EHBP1: variants seen among roughly 807,000 people sequenced by gnomAD.
EHBP1 encodes the protein EH domain binding protein 1, also known as EH domain-binding protein 1.
A neutral mutation model predicts 144.0 loss-of-function variants in EHBP1; 55 were observed. The observed-to-expected ratio is 0.38, with a 90% CI of 0.31 to 0.48. EHBP1 has a LOEUF of 0.48. EHBP1 is among the 20% of genes least tolerant of loss of function. EHBP1 has a pLI of 0.98. For missense variants in EHBP1, 1,200 were observed against 1,364.2 expected (o/e 0.88, Z 1.90); for synonymous variants, 469 against 472.7 (o/e 0.99, Z 0.10).
intron 5 of EHBP1, among the ~76,000 whole-genome samples, chr2:62,796,001 TG>T (rs1289261247): frequency 6.6e-6 from 1 of 151,790 alleles, no homozygotes; most frequent in African/African-American, 2.4e-5. Context: ...TCTGCCCTTC[TG>T]CCCCTTCTGC....
intron 2 of EHBP1, among the ~76,000 whole-genome samples, chr2:62,722,398 C>G (rs902306051): frequency 3.9e-5 from 6 of 151,938 alleles, no homozygotes; most frequent in Middle Eastern, 3.4e-3. Flanking sequence ...GGTGGGATTA[C>G]AGGCATGAGC....
At chr2:62,847,997 T>C (rs1382572059) in intron 7 of EHBP1, among the ~76,000 whole-genome samples, 2 of 151,864 alleles carry the variant, frequency 1.3e-5, no homozygotes, top group Admixed American at 1.3e-4. Flanking sequence ...CACTACTAAA[T>C]GTTGGCAAGG....
intron 5 of EHBP1, among the ~76,000 whole-genome samples, chr2:62,801,361 C>G (rs1162627644): frequency 1.3e-5 from 2 of 152,216 alleles, no homozygotes; most frequent in Non-Finnish European, 2.9e-5. Context: ...TGAAGTTTAA[C>G]TAACTGATAC....
intron 2 of EHBP1, among the ~76,000 whole-genome samples, chr2:62,713,233 A>G (rs2035329163): frequency 6.6e-6 from 1 of 150,576 alleles, no homozygotes; most frequent in Non-Finnish European, 1.5e-5. Context: ...CATTTAAGAC[A>G]GGGAGTCAGG....
chr2:62,964,048 A>G (rs1170480053), intron 14 of EHBP1, among the ~76,000 whole-genome samples: 2 of 152,236 alleles, frequency 1.3e-5, no homozygotes, highest in African/African-American at 2.4e-5. Context: ...ATTATTTTAA[A>G]TAATAGTTTA....
chr2:62,738,310 T>G (rs2038352876), intron 2 of EHBP1, among the ~76,000 whole-genome samples: 1 of 152,186 alleles, frequency 6.6e-6, no homozygotes, highest in South Asian at 2.1e-4. Context: ...TGTGACTTAG[T>G]AAACATAGTT....
rs1274906399 is a variant in EHBP1, at chr2:62,788,380, A to ATTTGGTTCTTTTCAC, written c.312+16988_312+16989insTTTGGTTCTTTTCAC. Among the ~76,000 whole-genome samples the ATTTGGTTCTTTTCAC allele has an allele frequency of 8.1e-4, 124 of 152,156 alleles. 1 individual carries two copies. The highest frequency in any genetic ancestry group is 7.9e-3 in the Admixed American group (120 of 15,280). ...AAACCAAATTCTTCCAATTAAAAGA[A>ATTTGGTTCTTTTCAC]CTAAACTTTGATAGTATAGGTGGAG... On this transcript the variant is annotated intron_variant, in intron 5 of 22. Coordinates refer to ENST00000431489, the MANE Select transcript of EHBP1 (RefSeq NM_001142616.3).
intron 3 of EHBP1, among the ~76,000 whole-genome samples, chr2:62,756,348 G>T (rs191900288): frequency 1.3e-5 from 2 of 152,128 alleles, no homozygotes; most frequent in Non-Finnish European, 2.9e-5. Context: ...TGAATTTTCC[G>T]TTTGTAATGC....
intron 19 of EHBP1, among the ~76,000 whole-genome samples, chr2:63,007,202 C>T (rs2060076656): frequency 6.6e-6 from 1 of 151,786 alleles, no homozygotes; most frequent in Admixed American, 6.6e-5. Context: ...AATCTTTCAG[C>T]AGTAAGGGAA....
intron 5 of EHBP1, among the ~76,000 whole-genome samples, chr2:62,776,553 A>G (rs2042065464): frequency 6.6e-6 from 1 of 152,164 alleles, no homozygotes. Flanking sequence ...CCTTTCTACC[A>G]CTTACACCTC....
intron 5 of EHBP1, among the ~76,000 whole-genome samples, chr2:62,801,311 C>T (rs2043968226): frequency 6.6e-6 from 1 of 152,216 alleles, no homozygotes; most frequent in African/African-American, 2.4e-5. Context: ...GCTCCCTTGA[C>T]ATGGCTCCTC....
intron 19 of EHBP1, among the ~76,000 whole-genome samples, chr2:63,004,273 G>A (rs528185599): frequency 3.3e-5 from 5 of 152,098 alleles, no homozygotes; most frequent in Admixed American, 3.3e-4. Context: ...CAATCACAAA[G>A]CAAAATGGCT....
intron 19 of EHBP1, among the ~76,000 whole-genome samples, chr2:63,016,164 A>G (rs2153269299): frequency 6.6e-6 from 1 of 152,366 alleles, no homozygotes. Context: ...CACAATTTTC[A>G]GAGGCAATAA....
At chr2:62,783,803 C>G (rs2042622336) in intron 5 of EHBP1, among the ~76,000 whole-genome samples, 1 of 152,222 alleles carries the variant, frequency 6.6e-6, no homozygotes, top group African/African-American at 2.4e-5. Context: ...GACATTTTCC[C>G]CATTGTCTTG....
At chr2:62,873,441 G>A (rs2050641593) in intron 9 of EHBP1, among the ~76,000 whole-genome samples, 1 of 151,938 alleles carries the variant, frequency 6.6e-6, no homozygotes, top group Non-Finnish European at 1.5e-5. Flanking sequence ...TATAGCACAA[G>A]AAGAATAAAG....
At chr2:62,911,214 C>G (rs2054189676) in intron 10 of EHBP1, among the ~76,000 whole-genome samples, 1 of 152,166 alleles carries the variant, frequency 6.6e-6, no homozygotes, top group African/African-American at 2.4e-5. Context: ...TAACCTCTCT[C>G]TCCCTCAGTG....
At chr2:62,895,080 A>C (rs12999893) in intron 10 of EHBP1, among the ~76,000 whole-genome samples, 5 of 152,218 alleles carry the variant, frequency 3.3e-5, no homozygotes. Flanking sequence ...CATTCTACTT[A>C]CATGGCATTC....
intron 7 of EHBP1, among the ~76,000 whole-genome samples, chr2:62,853,187 C>T (rs758302100): frequency 8.5e-5 from 13 of 152,108 alleles, no homozygotes; most frequent in Non-Finnish European, 1.8e-4. Context: ...TTCCAGACCA[C>T]CACAATAAAA....
Position 62,707,278 on chromosome 2 carries a change from T to C in EHBP1, c.87T>C (p.Val29=). 2.5e-6 allele frequency: 4 copies of C among 1,613,868 alleles called. No homozygotes were observed. Among genetic ancestry groups the C allele is most frequent in the Non-Finnish European group, 2.5e-6 (3 of 1,179,714 alleles). ...TGGCCTCCTACCAGGAGCTCATGGTTGAGTGTACGAAGAAATGGTAAGATG... is the reference window on the plus strand; with the variant it reads ...TGGCCTCCTACCAGGAGCTCATGGTCGAGTGTACGAAGAAATGGTAAGATG... The part of the protein sequence containing the change: ...QFVASYQELM[V]ECTKKWQPDK... Residue 29 remains valine, a synonymous_variant, in exon 2 of 23, where the codon GTT becomes GTC. Coordinates refer to ENST00000431489, the MANE Select transcript of EHBP1 (RefSeq NM_001142616.3).
Sources: gnomAD v4.1 joint callset for allele counts (sites outside exome capture counted in the v4.1 genomes callset) on GRCh38, gnomAD v4.1.1 for gene constraint, MANE v1.5 for transcripts, NCBI Gene and HGNC (gene_info 2026-07-23, HGNC 2026-07-21) for gene names.